The following EIF3G variants were observed in gnomAD, a reference collection of about 807,000 sequenced individuals.
The protein encoded by EIF3G is eukaryotic translation initiation factor 3 subunit G.
Under a neutral mutation model 41.7 loss-of-function variants are expected in EIF3G, and 10 were observed. The observed-to-expected ratio is 0.24, with a 90% CI of 0.15 to 0.41. The LOEUF is 0.41. Among genes scored for constraint, EIF3G ranks in the 10% least tolerant of loss-of-function variants. The pLI is 1.00. For missense variants in EIF3G, 297 were observed against 444.0 expected (o/e 0.67, Z 2.98); for synonymous variants, 204 against 172.5 (o/e 1.18, Z -1.43).
At chr19:10,115,322 C>G in intron 10 of EIF3G, 157 bp downstream of exon 10, 1 of 1,112,582 alleles carries the variant, frequency 9.0e-7, no homozygotes, top group African/African-American at 1.6e-5. Context: ...AGCTGCCACC[C>G]CTCTGCCCGG....
rs747880366 is a variant in EIF3G at position 10,115,467 on chromosome 19, A to ATGGAG, written c.947+7_947+11dup. ...GCAGGGAGCAGGGGCTGGGGCAGGGATGGAGTCTTACTTGGCCCACTCGAC... is the reference window on the plus strand; with the variant it reads ...GCAGGGAGCAGGGGCTGGGGCAGGGATGGAGTGGAGTCTTACTTGGCCCACTCGAC... On this transcript the variant is annotated intron_variant, in intron 10 of 10. Coordinates refer to ENST00000253108, the MANE Select transcript of EIF3G (RefSeq NM_003755.5). 3.1e-6 allele frequency: 5 copies of ATGGAG among 1,599,548 alleles called. No individual in the cohort carries two copies. The Admixed American group carries it at 5.1e-5, about 16-fold the overall frequency.
intron 9 of EIF3G, 26 bp from the exon 10 acceptor site, chr19:10,115,611 G>A (rs138278662): frequency 2.5e-6 from 4 of 1,611,672 alleles, no homozygotes; most frequent in African/African-American, 2.7e-5. Flanking sequence ...ATGGGGTCGG[G>A]CACGAGCTAG....
At chr19:10,115,926 G>C in intron 8 of EIF3G, 41 bp downstream of exon 8, 2 of 1,607,644 alleles carry the variant, frequency 1.2e-6, no homozygotes, top group Non-Finnish European at 1.7e-6. Context: ...GAGGTGCCGG[G>C]AGGTGCCCAC....
At chr19:10,115,154 A>G (rs779851525) in intron 10 of EIF3G, 25 bp from the exon 11 acceptor site, 52 of 1,613,168 alleles carry the variant, frequency 3.2e-5, no homozygotes, top group African/African-American at 5.3e-5. Context: ...GGTGGCAGGT[A>G]TAAGACTTCT....
chr19:10,119,052 G>T, intron 3 of EIF3G, 36 bp downstream of exon 3: 1 of 528,636 alleles, frequency 1.9e-6, no homozygotes, highest in African/African-American at 2.2e-5. Context: ...ACACCGAGTG[G>T]CAGTCCTCAC....
intron 5 of EIF3G, chr19:10,118,363 C>T (rs1416302035): frequency 1.7e-5 from 6 of 362,200 alleles, no homozygotes; most frequent in Non-Finnish European, 2.6e-5. Flanking sequence ...GTCAGGAGTT[C>T]GAGACCAGCC....
Position 10,116,996 on chromosome 19 carries a change from G to C in EIF3G, c.406-7C>G. ...CCTCCTGGCAGTTCAGGTCCTGGCAGGGGCGGGTTGGGGGGAGCTCAGAGG... is the reference window on the plus strand; with the variant it reads ...CCTCCTGGCAGTTCAGGTCCTGGCACGGGCGGGTTGGGGGGAGCTCAGAGG... On this transcript the variant is annotated splice_region_variant and splice_polypyrimidine_tract_variant and intron_variant, in intron 6 of 10. Coordinates refer to ENST00000253108, the MANE Select transcript of EIF3G (RefSeq NM_003755.5). This position sits in a 1 kb window ranked among gnomAD's most constrained non-coding sequence, Gnocchi z 4.1. 1 of 1,606,680 alleles carries C rather than the reference G, an allele frequency of 6.2e-7. No homozygotes were observed. Among genetic ancestry groups the C allele is most frequent in the Non-Finnish European group, 8.5e-7 (1 of 1,174,988 alleles).
chr19:10,116,427 TGCACTCTC>T lies in EIF3G; in HGVS notation c.596-361_596-354del. The T allele has an allele frequency of 2.0e-6, 1 of 489,148 alleles. No homozygotes were observed. Among genetic ancestry groups the T allele is most frequent in the Admixed American group, 3.7e-5 (1 of 27,352 alleles). The allele number at this position is 489,148 out of a possible 1,614,324, so 30.3% of individuals were successfully genotyped here. ...GCGTGGCAGGCGACAAGTGCACGTC[TGCACTCTC>T]ACACTCGCCACCAGCAAATCCCACC... On this transcript the variant is annotated intron_variant, in intron 7 of 10. Coordinates refer to ENST00000253108, the MANE Select transcript of EIF3G (RefSeq NM_003755.5). The surrounding 1 kb of genome is among the most constrained non-coding windows in gnomAD (Gnocchi z 4.1).
chr19:10,117,713 G>A (rs909949320), intron 5 of EIF3G: 4 of 152,508 alleles, frequency 2.6e-5, no homozygotes, highest in African/African-American at 7.2e-5. Context: ...AAACTGCTGC[G>A]ACCACCTCCT....
Position 10,119,075 on chromosome 19 carries a change from AGTCCTC to A in EIF3G, c.151+7_151+12del, listed in dbSNP as rs2089283896. ...TGGCAGTCCTCACTCACCTCCCGGC[AGTCCTC>A]ACTCACCTCCCGGCAGTAGCTCTGG... On this transcript the variant is annotated splice_region_variant and intron_variant, in intron 3 of 10. Transcript: ENST00000253108. The A allele has an allele frequency of 6.3e-7, 1 of 1,587,984 alleles. No homozygotes were observed. The highest frequency in any genetic ancestry group is 1.8e-5 in the Admixed American group (1 of 56,486).
rs2145230472 is a variant in EIF3G, at chr19:10,118,869, T to G, written c.239A>C (p.Lys80Thr). Residue 80 changes from lysine (K) to threonine (T), a missense_variant and splice_region_variant, in exon 4 of 11, where the codon AAG becomes ACG. By Grantham distance (78) the Lys-to-Thr change is moderately conservative (BLOSUM62 -1). This residue lies in a region of EIF3G where 147 missense variants were observed against 162.4 expected (regional missense o/e 0.91). Transcript: ENST00000253108. ...ACTCCCTGCACCCCCCACCCTCACC[T>G]TGAACTTCTTGCCATCCTCATCTAT... Reference protein sequence around the residue: ...YKIDEDGKKFKIVRTFRIETR... With the variant: ...YKIDEDGKKFTIVRTFRIETR... 1.2e-6 allele frequency: 2 copies of G among 1,606,218 alleles called. No homozygotes were observed. The highest frequency in any genetic ancestry group is 1.1e-5 in the South Asian group (1 of 90,916).
intron 5 of EIF3G, 57 bp downstream of exon 5, chr19:10,118,611 T>G: frequency 6.4e-7 from 1 of 1,563,836 alleles, no homozygotes; most frequent in Non-Finnish European, 8.8e-7. Flanking sequence ...AAACACAAAG[T>G]CCGGGAGCAC....
At chr19:10,117,983 T>C (rs2089273754) in intron 5 of EIF3G, 1 of 152,186 alleles carries the variant, frequency 6.6e-6, no homozygotes, top group Admixed American at 6.6e-5. Flanking sequence ...GCCTGGGAGT[T>C]CAAGGCTGCA....
rs769901989 is a variant in EIF3G at position 10,116,390 on chromosome 19, C to T, written c.596-316G>A. 1.9e-6 allele frequency: 1 copy of T among 515,958 alleles called. No homozygotes were observed. The highest frequency in any genetic ancestry group is 1.9e-5 in the African/African-American group (1 of 52,186). 32.0% of individuals were successfully genotyped at this position (515,958 alleles called of 1,614,324 possible). ...TGGGACACACAACAGGAACAGCGCC[C>T]AGGTCCCCCTCGCGTGGCAGGCGAC... On this transcript the variant is annotated intron_variant, in intron 7 of 10. Transcript: ENST00000253108. The surrounding 1 kb of genome is among the most constrained non-coding windows in gnomAD (Gnocchi z 4.1).
At position 10,116,146 on chromosome 19, in the gene EIF3G, C is replaced by T. The variant is rs1431048149; in HGVS notation, c.596-72G>A. 2 of 1,480,604 alleles carry T rather than the reference C, an allele frequency of 1.4e-6. No individual in the cohort carries two copies. The highest frequency in any genetic ancestry group is 2.8e-5 in the African/African-American group (2 of 71,924). The allele number at this position is 1,480,604 out of a possible 1,614,324, so 91.7% of individuals were successfully genotyped here. On this transcript the variant is annotated intron_variant, in intron 7 of 10. Transcript: ENST00000253108. The surrounding 1 kb of genome is among the most constrained non-coding windows in gnomAD (Gnocchi z 4.1). ...GTGGGGACAGAGCCGCCCCAGGAAGCTCGGGCTTCAGTGTTGAGCCAGCGC... is the reference window on the plus strand; with the variant it reads ...GTGGGGACAGAGCCGCCCCAGGAAGTTCGGGCTTCAGTGTTGAGCCAGCGC...
rs763322919 is a variant in EIF3G, at chr19:10,117,068, T to C, written c.405+16A>G. 7 of 1,611,328 alleles carry C rather than the reference T, an allele frequency of 4.3e-6. No homozygotes were observed. The highest frequency in any genetic ancestry group is 5.9e-6 in the Non-Finnish European group (7 of 1,178,396). On this transcript the variant is annotated intron_variant, in intron 6 of 10. Coordinates refer to ENST00000253108, the MANE Select transcript of EIF3G (RefSeq NM_003755.5). The stretch of plus-strand genomic sequence containing the variant: ...CCCACCCCAGGATGCCAGCCCCACC[T>C]GATTGCCCCGCTTACCTCTTTGCTG...
In EIF3G at chr19:10,116,882, G is replaced by A. The variant is rs544307400; in HGVS notation, c.513C>T (p.Tyr171=). 6.2e-7 allele frequency: 1 copy of A among 1,613,926 alleles called. No individual in the cohort carries two copies. The highest frequency in any genetic ancestry group is 1.1e-5 in the South Asian group (1 of 91,076). Residue 171 remains tyrosine, a synonymous_variant, in exon 7 of 11, where the codon TAC becomes TAT. Transcript: ENST00000253108. This position sits in a 1 kb window ranked among gnomAD's most constrained non-coding sequence, Gnocchi z 4.1. ...TCTGCATGGGCCCCAGCGTATCCTT[G>A]TAGGGGCAGCGGGTGGTCCAGTGGT... is the stretch of plus-strand genomic sequence containing the variant. ...KGDHWTTRCP[Y]KDTLGPMQKE...
chr19:10,116,329 G>A lies in EIF3G; in HGVS notation c.596-255C>T. The A allele has an allele frequency of 5.3e-6, 3 of 571,304 alleles. No homozygotes were observed. In the African/African-American group the frequency reaches 5.6e-5, roughly 11 times the overall value. The allele number at this position is 571,304 out of a possible 1,614,324, so 35.4% of individuals were successfully genotyped here. A position where few individuals can be genotyped will look rare whatever the true frequency, so the allele number is the denominator to read the frequency against. ...CCCCAGAGAGGGCGGGAGGACAACAGGGGCAGCAGCCTCACATGCACAGCA... is the reference window on the plus strand; with the variant it reads ...CCCCAGAGAGGGCGGGAGGACAACAAGGGCAGCAGCCTCACATGCACAGCA... On this transcript the variant is annotated intron_variant, in intron 7 of 10. Coordinates refer to ENST00000253108, the MANE Select transcript of EIF3G (RefSeq NM_003755.5). This position sits in a 1 kb window ranked among gnomAD's most constrained non-coding sequence, Gnocchi z 4.1.
Position 10,116,304 on chromosome 19 carries a change from C to G in EIF3G, c.596-230G>C. 1 of 587,374 alleles carries G rather than the reference C, an allele frequency of 1.7e-6. No individual in the cohort carries two copies. Among genetic ancestry groups the G allele is most frequent in the Non-Finnish European group, 3.0e-6 (1 of 329,558 alleles). 36.4% of individuals were successfully genotyped at this position (587,374 alleles called of 1,614,324 possible). ...AGGAGGAGGAGGAGCCCCGACCCCA[C>G]CCCAGAGAGGGCGGGAGGACAACAG... On this transcript the variant is annotated intron_variant, in intron 7 of 10. Transcript: ENST00000253108. This position sits in a 1 kb window ranked among gnomAD's most constrained non-coding sequence, Gnocchi z 4.1.
Sources: allele counts gnomAD v4.1 joint callset, GRCh38; gene constraint gnomAD v4.1.1; regional missense constraint gnomAD v4.1.1; non-coding constraint Gnocchi (gnomAD v3.1); transcripts MANE v1.5; gene names NCBI Gene and HGNC (gene_info 2026-07-23, HGNC 2026-07-21).